STATH: variants seen among roughly 807,000 people sequenced by gnomAD.
STATH encodes statherin.
In STATH, 11 loss-of-function variants were observed where a neutral mutation model predicts 13.3. That is an observed-to-expected ratio of 0.83 (90% CI 0.52 to 1.37). STATH has a LOEUF of 1.37. STATH is among the 40% of genes most tolerant of loss of function. The pLI, the probability that STATH is intolerant of heterozygous loss-of-function variation, is 0.00. For missense variants in STATH, 78 were observed against 73.3 expected (o/e 1.06, Z -0.24); for synonymous variants, 25 against 23.6 (o/e 1.06, Z -0.17).
intron 5 of STATH, 43 bp downstream of exon 5, chr4:70,001,025 T>C: frequency 7.4e-7 from 1 of 1,354,518 alleles, no homozygotes; most frequent in Non-Finnish European, 1.1e-6. Flanking sequence ...TCTGTATCAG[T>C]GCTGACAGTT....
intron 1 of STATH, 77 bp from the exon 2 acceptor site, chr4:69,998,346 G>A: frequency 9.6e-7 from 1 of 1,039,000 alleles, no homozygotes; most frequent in Non-Finnish European, 1.5e-6. Flanking sequence ...GTGCTTTGGA[G>A]CGTAGTATAA....
At chr4:69,999,310 T>C (rs1724585131) in intron 2 of STATH, among the ~76,000 whole-genome samples, 1 of 151,944 alleles carries the variant, frequency 6.6e-6, no homozygotes, top group South Asian at 2.1e-4. Flanking sequence ...TGCTTGTCTC[T>C]GTCAGTAAAT....
intron 5 of STATH, 111 bp downstream of exon 5, chr4:70,001,093 C>G: frequency 1.4e-6 from 1 of 696,968 alleles, no homozygotes; most frequent in Non-Finnish European, 2.6e-6. Context: ...TATAAGAAAG[C>G]AGCCAGCTGT....
chr4:70,002,095 A>G (rs1724684768), intron 5 of STATH, 94 bp from the exon 6 acceptor site: 1 of 151,756 alleles, frequency 6.6e-6, no homozygotes, highest in Admixed American at 6.6e-5. Context: ...CTATAATTGT[A>G]TATAATATCT....
Position 70,001,805 on chromosome 4 carries a change from G to A in STATH, c.*34-384G>A, listed in dbSNP as rs149077687. On this transcript the variant is annotated intron_variant, in intron 5 of 5. Transcript: ENST00000246895. The stretch of plus-strand genomic sequence containing the variant: ...CCAATTCAATTCTCTATTGCCATTA[G>A]TGATACAGGGAAGAGCCTGAACTTG... 2.1e-3 allele frequency among the ~76,000 whole-genome samples: 326 copies of A among 151,810 alleles called. 3 individuals are homozygous for A. Among genetic ancestry groups the A allele is most frequent in the African/African-American group, 7.5e-3 (311 of 41,492 alleles).
chr4:69,998,285 G>A (rs1724561790), intron 1 of STATH, 138 bp from the exon 2 acceptor site: 1 of 600,890 alleles, frequency 1.7e-6, no homozygotes, highest in Non-Finnish European at 2.9e-6. Flanking sequence ...CAAGTTTCAT[G>A]ATGTCAGGCA....
At chr4:70,001,762 C>T (rs1246151231) in intron 5 of STATH, among the ~76,000 whole-genome samples, 1 of 151,748 alleles carries the variant, frequency 6.6e-6, no homozygotes, top group Non-Finnish European at 1.5e-5. Context: ...TTTTTCAGTG[C>T]ATTTGGGAGA....
At chr4:69,996,423 A>G (rs1234146301) in intron 1 of STATH, among the ~76,000 whole-genome samples, 1 of 152,180 alleles carries the variant, frequency 6.6e-6, no homozygotes, top group Non-Finnish European at 1.5e-5. Flanking sequence ...TTGTTTCACA[A>G]GTTTAACTTT....
At chr4:69,999,830 CT>C in intron 4 of STATH, 21 bp downstream of exon 4, 1 of 1,610,222 alleles carries the variant, frequency 6.2e-7, no homozygotes, top group Non-Finnish European at 8.5e-7. Flanking sequence ...TCTGATAATG[CT>C]GTGTAGTCCA....
chr4:69,998,261 C>A, intron 1 of STATH, 162 bp from the exon 2 acceptor site: 1 of 574,132 alleles, frequency 1.7e-6, no homozygotes, highest in Non-Finnish European at 3.1e-6. Context: ...TTATCAGTGT[C>A]TCCAACAAGT....
intron 4 of STATH, 101 bp downstream of exon 4, chr4:69,999,910 T>G (rs1026293001): frequency 1.5e-6 from 2 of 1,345,866 alleles, no homozygotes; most frequent in African/African-American, 2.9e-5. Context: ...ATATGTGTAG[T>G]AGTTGCAAAA....
intron 4 of STATH, 30 bp from the exon 5 acceptor site, chr4:70,000,833 G>A (rs1366659106): frequency 6.4e-7 from 1 of 1,562,144 alleles, no homozygotes; most frequent in Non-Finnish European, 8.8e-7. Context: ...TCAATTTTCT[G>A]CAATTTTCTT....
chr4:69,998,324 G>A (rs1225486616), intron 1 of STATH, 99 bp from the exon 2 acceptor site: 6 of 783,324 alleles, frequency 7.7e-6, no homozygotes, highest in South Asian at 3.7e-5. Context: ...TCTATCTGGA[G>A]TGTGTCTCCC....
intron 5 of STATH, among the ~76,000 whole-genome samples, 194 bp from the exon 6 acceptor site, chr4:70,001,995 G>C (rs761914931): frequency 5.3e-5 from 8 of 151,796 alleles, no homozygotes; most frequent in Non-Finnish European, 8.8e-5. Flanking sequence ...GATGCTGAAT[G>C]ATAATTTTTA....
chr4:70,000,683 T>C, intron 4 of STATH, 180 bp from the exon 5 acceptor site: 1 of 575,312 alleles, frequency 1.7e-6, no homozygotes, highest in South Asian at 2.3e-5. Flanking sequence ...TCAATCATTT[T>C]TACCTGCTTT....
Position 70,001,184 on chromosome 4 carries a change from A to G in STATH, c.*33+202A>G, listed in dbSNP as rs994930615. 4.0e-5 allele frequency among the ~76,000 whole-genome samples: 6 copies of G among 151,808 alleles called. No individual in the cohort carries two copies. The Admixed American group carries it at 4.0e-4, about 10-fold the overall frequency. On this transcript the variant is annotated intron_variant, in intron 5 of 5. Transcript: ENST00000246895. Reference sequence around the variant, plus strand: ...TGCTATGGTTAGAAGGCAGTGTTATAGAGTGGGGGACACCAGGGTTTGTAT... The same window carrying G: ...TGCTATGGTTAGAAGGCAGTGTTATGGAGTGGGGGACACCAGGGTTTGTAT...
rs114716511 is a variant in STATH, at chr4:70,000,401, T to C, written c.103-462T>C. On this transcript the variant is annotated intron_variant, in intron 4 of 5. Transcript: ENST00000246895. ...AAAGATACTCTAAAAGGGATGATGG[T>C]TATTTGTGTTAACAGAAGGAAGAAG... 3.3e-3 allele frequency: 532 copies of C among 161,620 alleles called. 6 individuals are homozygous for C. The highest frequency in any genetic ancestry group is 0.012 in the African/African-American group (500 of 41,580). 10.0% of individuals were successfully genotyped at this position (161,620 alleles called of 1,614,324 possible).
At position 70,002,234 on chromosome 4, in the gene STATH, A is replaced by T. The variant is rs1724688832; in HGVS notation, c.*79A>T. ...TTCTACATCCATATTCTCATCTTTC[A>T]TACCATATCACACTACTACCACTTT... On this transcript the variant is annotated 3_prime_UTR_variant, in exon 6 of 6. Coordinates refer to ENST00000246895, the MANE Select transcript of STATH (RefSeq NM_003154.3). 6.6e-6 allele frequency: 1 copy of T among 151,534 alleles called. No homozygotes were observed. The allele number at this position is 151,534 out of a possible 1,614,324, so 9.4% of individuals were successfully genotyped here.
chr4:70,002,367 A>C lies in STATH; in HGVS notation c.*212A>C, dbSNP rs1724692010. 6.6e-6 allele frequency: 1 copy of C among 151,758 alleles called. No individual in the cohort carries two copies. Among genetic ancestry groups the C allele is most frequent in the South Asian group, 2.1e-4 (1 of 4,826 alleles). 9.4% of individuals were successfully genotyped at this position (151,758 alleles called of 1,614,324 possible). A position where few individuals can be genotyped will look rare whatever the true frequency, so the allele number is the denominator to read the frequency against. ...AATTGTCACTTGATGATATAATTGC[A>C]ATTTAAACTGTTAAGCTGTGTTCAG... On this transcript the variant is annotated 3_prime_UTR_variant, in exon 6 of 6. Transcript: ENST00000246895.
Sources: allele counts gnomAD v4.1 joint callset (sites outside exome capture counted in the v4.1 genomes callset), GRCh38; gene constraint gnomAD v4.1.1; transcripts MANE v1.5; gene names NCBI Gene and HGNC (gene_info 2026-07-23, HGNC 2026-07-21).